THAP6: variants seen among roughly 807,000 people sequenced by gnomAD.
The protein encoded by THAP6 is THAP domain-containing protein 6.
In THAP6, 13 loss-of-function variants were observed where a neutral mutation model predicts 20.0. That is an observed-to-expected ratio of 0.65 (90% confidence interval 0.42 to 1.03). The LOEUF is 1.03. THAP6 is among the 50% of genes least tolerant of loss of function. The probability of loss-of-function intolerance (pLI) is 0.00; values close to 1 mark genes in which losing one functional copy is unlikely to be tolerated. For synonymous variants in THAP6, 93 were observed against 92.2 expected (o/e 1.01, Z -0.05); for missense variants, 262 against 261.6 (o/e 1.00, Z -0.01).
chr4:75,521,109 G>A (rs554582529), intron 3 of THAP6, among the ~76,000 whole-genome samples: 4 of 148,908 alleles, frequency 2.7e-5, no homozygotes, highest in African/African-American at 9.9e-5. Flanking sequence ...TTTGTCTTCA[G>A]TTCTAGTTAC....
Position 75,528,640 on chromosome 4 carries a change from A to C in THAP6, c.*1426A>C, listed in dbSNP as rs9307834. The C allele has an allele frequency of 0.4, 391,427 of 984,366 alleles. 78,315 individuals carry two copies. The highest frequency in any genetic ancestry group is 0.51 in the African/African-American group (28,983 of 57,206). 61.0% of individuals were successfully genotyped at this position (984,366 alleles called of 1,614,324 possible). On this transcript the variant is annotated 3_prime_UTR_variant, in exon 5 of 5. Coordinates refer to ENST00000311638, the MANE Select transcript of THAP6 (RefSeq NM_144721.6). Reference sequence around the variant, plus strand: ...ATGTTATACTTTTATGTAGGATTCCAAACCTTCCCTCTAAATGGGATTTAA... The same window carrying C: ...ATGTTATACTTTTATGTAGGATTCCCAACCTTCCCTCTAAATGGGATTTAA...
chr4:75,517,016 CTTTTTTTTTTT>C (rs34218401), intron 3 of THAP6, 37 bp downstream of exon 3: 1 of 797,870 alleles, frequency 1.3e-6, no homozygotes, highest in African/African-American at 2.2e-5. Flanking sequence ...TCATTGCTCA[CTTTTTTTTTTT>C]TTTTTTTTTG....
At position 75,528,435 on chromosome 4, in the gene THAP6, C is replaced by T; in HGVS notation, c.*1221C>T. On this transcript the variant is annotated 3_prime_UTR_variant, in exon 5 of 5. Coordinates refer to ENST00000311638, the MANE Select transcript of THAP6 (RefSeq NM_144721.6). ...GAAGCACATGTACATACATGGACCTCATTCAGAAGTCCATGTTGTAGCAGT... is the reference window on the plus strand; with the variant it reads ...GAAGCACATGTACATACATGGACCTTATTCAGAAGTCCATGTTGTAGCAGT... The T allele has an allele frequency of 1.0e-6, 1 of 985,334 alleles. No homozygotes were observed. The highest frequency in any genetic ancestry group is 1.1e-4 in the East Asian group (1 of 8,808). The allele number at this position is 985,334 out of a possible 1,614,324, so 61.0% of individuals were successfully genotyped here. A position where few individuals can be genotyped will look rare whatever the true frequency, so the allele number is the denominator to read the frequency against.
downstream of THAP6, among the ~76,000 whole-genome samples, chr4:75,532,099 C>A (rs893337943): frequency 1.3e-5 from 2 of 152,210 alleles, no homozygotes; most frequent in Non-Finnish European, 2.9e-5. Context: ...AGCCCAAAGT[C>A]TCATCTGAGA....
At position 75,514,497 on chromosome 4, in the gene THAP6, T is replaced by C. The variant is rs1225527061; in HGVS notation, c.-44T>C. On this transcript the variant is annotated 5_prime_UTR_variant, in exon 1 of 5. Transcript: ENST00000311638. ...CAGACGCAGTCTCCGTCGTTGACGT[T>C]AGTCGCAGTCTTCGCTGCTAACGGT... The C allele has an allele frequency of 1.9e-6, 1 of 532,534 alleles. No homozygotes were observed. Among genetic ancestry groups the C allele is most frequent in the Non-Finnish European group, 3.4e-6 (1 of 297,340 alleles). The allele number at this position is 532,534 out of a possible 1,614,324, so 33.0% of individuals were successfully genotyped here.
downstream of THAP6, among the ~76,000 whole-genome samples, chr4:75,532,683 A>T (rs183064125): frequency 6.6e-6 from 1 of 152,356 alleles, no homozygotes; most frequent in East Asian, 1.9e-4. Flanking sequence ...ATTTAGGCGG[A>T]GATGCCCAAA....
chr4:75,538,200 A>G (rs1375918012), intron 2 of THAP6, among the ~76,000 whole-genome samples: 2 of 152,210 alleles, frequency 1.3e-5, no homozygotes, highest in Non-Finnish European at 2.9e-5. Context: ...GACAGCATTA[A>G]AAAATATCCT....
At chr4:75,514,417 G>C, upstream of THAP6, 1 of 1,047,520 alleles carries the variant, frequency 9.5e-7, no homozygotes, top group Non-Finnish European at 1.3e-6. Context: ...TCCTAAGCAC[G>C]TGACCCGGGG....
At chr4:75,541,833 G>A (rs987712951) in intron 2 of THAP6, among the ~76,000 whole-genome samples, 13 of 152,126 alleles carry the variant, frequency 8.5e-5, no homozygotes, top group Non-Finnish European at 1.8e-4. Context: ...GCAGGCACCT[G>A]TAATCACAGC....
In THAP6 at chr4:75,529,948, A is replaced by T; in HGVS notation, c.*2734A>T. 1 of 874,812 alleles carries T rather than the reference A, an allele frequency of 1.1e-6. No homozygotes were observed. The highest frequency in any genetic ancestry group is 1.4e-6 in the Non-Finnish European group (1 of 729,166). The allele number at this position is 874,812 out of a possible 1,614,324, so 54.2% of individuals were successfully genotyped here. On this transcript the variant is annotated 3_prime_UTR_variant, in exon 5 of 5. Transcript: ENST00000311638. Reference sequence around the variant, plus strand: ...ATATATATTTAGTTTTAATAAAAAGATAAAATTATTACAGAAATAATTGAG... The same window carrying T: ...ATATATATTTAGTTTTAATAAAAAGTTAAAATTATTACAGAAATAATTGAG...
Position 75,528,751 on chromosome 4 carries a change from G to A in THAP6, c.*1537G>A, listed in dbSNP as rs1255403329. 9 of 741,350 alleles carry A rather than the reference G, an allele frequency of 1.2e-5. No homozygotes were observed. The highest frequency in any genetic ancestry group is 1.4e-5 in the Non-Finnish European group (9 of 637,802). 45.9% of individuals were successfully genotyped at this position (741,350 alleles called of 1,614,324 possible). A position where few individuals can be genotyped will look rare whatever the true frequency, so the allele number is the denominator to read the frequency against. On this transcript the variant is annotated 3_prime_UTR_variant, in exon 5 of 5. Transcript: ENST00000311638. ...AATCTGAAAAAAAAGTAGTAAAAAG[G>A]TAGTTAAAAAAAAAAAAGGCCGGGT...
In THAP6 at chr4:75,521,737, G is replaced by C; in HGVS notation, c.290G>C (p.Gly97Ala). 2 of 1,608,920 alleles carry C rather than the reference G, an allele frequency of 1.2e-6. No individual in the cohort carries two copies. Among genetic ancestry groups the C allele is most frequent in the Non-Finnish European group, 1.7e-6 (2 of 1,177,410 alleles). The change falls in exon 4 of 5, where the codon GGG becomes GCG. Residue 97 changes from glycine to alanine, a missense_variant and splice_region_variant. Gly to Ala is a moderately conservative substitution (Grantham distance 60, BLOSUM62 0). Transcript: ENST00000311638. Reference protein sequence around the residue: ...SIFDSPYHLQGKREKLHCRKN... With the variant: ...SIFDSPYHLQAKREKLHCRKN... ...ATTATTATTAACTACTCTTAACAGG[G>C]GAAAAGAGAAAAACTTCATTGTAGA...
chr4:75,530,614 A>G (rs758744390), downstream of THAP6, among the ~76,000 whole-genome samples: 1 of 152,198 alleles, frequency 6.6e-6, no homozygotes, highest in South Asian at 2.1e-4. Flanking sequence ...ACTTCTTTCA[A>G]TTATAACAGA....
intron 4 of THAP6, among the ~76,000 whole-genome samples, chr4:75,525,497 A>G: frequency 6.6e-6 from 1 of 152,260 alleles, no homozygotes; most frequent in South Asian, 2.1e-4. Context: ...TATTTTATGT[A>G]CTTAACTTTT....
At chr4:75,526,249 T>G (rs35362134) in intron 4 of THAP6, among the ~76,000 whole-genome samples, 46,923 of 152,028 alleles carry the variant, frequency 0.31, 7,603 homozygotes, top group Non-Finnish European at 0.35. Flanking sequence ...TCTTTTAGCC[T>G]TGTGTTGGTT....
intron 3 of THAP6, among the ~76,000 whole-genome samples, chr4:75,545,199 C>T (rs1188415577): frequency 2.0e-5 from 3 of 152,182 alleles, no homozygotes; most frequent in East Asian, 1.9e-4. Context: ...GGTCCAAGGT[C>T]CTGCAGCTAA....
chr4:75,536,631 C>T (rs903737457), intron 2 of THAP6, among the ~76,000 whole-genome samples: 51 of 152,128 alleles, frequency 3.4e-4, no homozygotes, highest in Admixed American at 5.9e-4. Context: ...CTCAAGCGAT[C>T]CTCCCACCTG....
At chr4:75,543,261 T>C (rs999380268) in intron 3 of THAP6, among the ~76,000 whole-genome samples, 2 of 152,258 alleles carry the variant, frequency 1.3e-5, no homozygotes, top group Non-Finnish European at 2.9e-5. Flanking sequence ...AATACTAGGC[T>C]TAAGAATTTT....
intron 2 of THAP6, among the ~76,000 whole-genome samples, chr4:75,539,621 G>A (rs911320494): frequency 3.3e-5 from 5 of 152,186 alleles, no homozygotes; most frequent in Non-Finnish European, 2.9e-5. Context: ...GTGAGAGTAG[G>A]AGACCAAACC....
Sources: allele counts gnomAD v4.1 joint callset (sites outside exome capture counted in the v4.1 genomes callset), GRCh38; gene constraint gnomAD v4.1.1; transcripts MANE v1.5; gene names NCBI Gene and HGNC (gene_info 2026-07-23, HGNC 2026-07-21).